Variants in CCDC149 observed in about 807,000 individuals in gnomAD.
The protein encoded by CCDC149 is coiled-coil domain-containing protein 149.
A neutral mutation model predicts 59.9 loss-of-function variants in CCDC149; 45 were observed. The observed-to-expected ratio is 0.75, with a 90% confidence interval of 0.59 to 0.96. The LOEUF (loss-of-function observed/expected upper bound fraction) is 0.96. Ranked by LOEUF, CCDC149 falls within the 40% of genes least tolerant of loss-of-function variation. The pLI, the probability that CCDC149 is intolerant of heterozygous loss-of-function variation, is 0.00. For synonymous variants in CCDC149, 245 were observed against 260.6 expected, an observed-to-expected ratio of 0.94 and a Z score of 0.58; for missense variants, 584 against 664.7, an observed-to-expected ratio of 0.88 and a Z score of 1.33.
At chr4:24,892,254 A>G (rs1577458027) in intron 1 of CCDC149, among the ~76,000 whole-genome samples, 1 of 152,176 alleles carries the variant, frequency 6.6e-6, no homozygotes, top group East Asian at 1.9e-4. Flanking sequence ...AAGGAAATCC[A>G]TTGCTTGCTG....
chr4:24,970,311 C>T (rs896301633), intron 1 of CCDC149, among the ~76,000 whole-genome samples: 4 of 152,226 alleles, frequency 2.6e-5, no homozygotes, highest in Non-Finnish European at 5.9e-5. Flanking sequence ...TCGGCACATA[C>T]ATTCAGCATC....
intron 4 of CCDC149, among the ~76,000 whole-genome samples, chr4:24,850,159 T>C (rs1293317894): frequency 2.6e-5 from 4 of 152,236 alleles, no homozygotes; most frequent in Non-Finnish European, 5.9e-5. Context: ...TACTCTTCCT[T>C]GAATCATTTT....
intron 9 of CCDC149, chr4:24,829,484 G>C (rs997071750): frequency 6.6e-6 from 1 of 152,138 alleles, no homozygotes; most frequent in Non-Finnish European, 1.5e-5. Flanking sequence ...AAAAGGAAAT[G>C]AGACAGTGGA....
chr4:24,820,003 T>C (rs1383629063), intron 11 of CCDC149, 28 bp from the exon 12 acceptor site: 2 of 1,496,024 alleles, frequency 1.3e-6, no homozygotes, highest in African/African-American at 2.8e-5. Flanking sequence ...AAAATGGATG[T>C]CTTATATCAT....
At chr4:24,885,046 A>T (rs566829269) in intron 1 of CCDC149, among the ~76,000 whole-genome samples, 2 of 152,284 alleles carry the variant, frequency 1.3e-5, no homozygotes, top group Non-Finnish European at 2.9e-5. Context: ...GAGAGGCCAG[A>T]AGATGTGTGT....
chr4:24,887,305 G>A (rs556594087), intron 1 of CCDC149, among the ~76,000 whole-genome samples: 2,927 of 151,566 alleles, frequency 0.019, 109 homozygotes, highest in African/African-American at 0.067. Flanking sequence ...GGGATGGGGT[G>A]CAGTCACTTC....
At chr4:24,899,260 T>A (rs1008411369) in intron 1 of CCDC149, among the ~76,000 whole-genome samples, 3 of 150,996 alleles carry the variant, frequency 2.0e-5, no homozygotes, top group East Asian at 1.9e-4. Context: ...GGTTGGGAGG[T>A]GTAAGTTGGG....
chr4:24,890,239 G>T (rs925808306), intron 1 of CCDC149, among the ~76,000 whole-genome samples: 2 of 152,114 alleles, frequency 1.3e-5, no homozygotes, highest in African/African-American at 4.8e-5. Context: ...AGCCTACTCA[G>T]TCCTAACAGA....
At chr4:24,850,558 C>T (rs1717596469) in intron 4 of CCDC149, among the ~76,000 whole-genome samples, 1 of 152,124 alleles carries the variant, frequency 6.6e-6, no homozygotes, top group Non-Finnish European at 1.5e-5. Context: ...GAAATTAGTG[C>T]TCCAGGGCTC....
intron 1 of CCDC149, among the ~76,000 whole-genome samples, chr4:24,936,050 A>C (rs771138787): frequency 1.3e-5 from 2 of 152,180 alleles, no homozygotes; most frequent in Admixed American, 6.5e-5. Context: ...CAAGCTGCTG[A>C]TATTAGTCAA....
At chr4:24,888,060 T>A (rs1398419963) in intron 1 of CCDC149, among the ~76,000 whole-genome samples, 2 of 152,148 alleles carry the variant, frequency 1.3e-5, no homozygotes, top group Non-Finnish European at 2.9e-5. Flanking sequence ...GAGAGCCACG[T>A]GGCACTGTGG....
intron 12 of CCDC149, among the ~76,000 whole-genome samples, chr4:24,813,393 C>T (rs938014514): frequency 3.3e-5 from 5 of 151,138 alleles, no homozygotes; most frequent in African/African-American, 1.2e-4. Flanking sequence ...CTTGCATCTG[C>T]CCACTCTTCT....
At chr4:24,891,997 T>A (rs145959331) in intron 1 of CCDC149, among the ~76,000 whole-genome samples, 256 of 151,750 alleles carry the variant, frequency 1.7e-3, no homozygotes, top group African/African-American at 5.7e-3. Context: ...AGACCCTGTC[T>A]CAAAAAAGAA....
chr4:24,832,665 TG>T (rs1234834141), intron 8 of CCDC149, among the ~76,000 whole-genome samples: 1 of 152,214 alleles, frequency 6.6e-6, no homozygotes, highest in Non-Finnish European at 1.5e-5. Flanking sequence ...ATTCCTAATT[TG>T]TCTGCATGTC....
intron 1 of CCDC149, among the ~76,000 whole-genome samples, chr4:24,944,701 G>A (rs958403659): frequency 1.3e-5 from 2 of 152,134 alleles, no homozygotes; most frequent in African/African-American, 4.8e-5. Context: ...CATGGCACAT[G>A]TATACGTATG....
intron 3 of CCDC149, among the ~76,000 whole-genome samples, chr4:24,859,407 T>C (rs1226259119): frequency 6.6e-6 from 1 of 152,128 alleles, no homozygotes; most frequent in Non-Finnish European, 1.5e-5. Flanking sequence ...CCCTTTATGA[T>C]TAAAACCCTC....
intron 4 of CCDC149, among the ~76,000 whole-genome samples, chr4:24,850,190 TATTCATTCATTTC>T (rs1717568385): frequency 6.6e-6 from 1 of 152,270 alleles, no homozygotes; most frequent in African/African-American, 2.4e-5. Context: ...TTGTTCCCTT[TATTCATTCATTTC>T]ATTCATTCAT....
At chr4:24,980,189 G>A (rs1724415612), upstream of CCDC149, 8 of 152,168 alleles carry the variant, frequency 5.3e-5, no homozygotes, top group South Asian at 1.7e-3. Flanking sequence ...CGCAATCGCG[G>A]ATTCACCAGC....
intron 4 of CCDC149, among the ~76,000 whole-genome samples, chr4:24,851,241 TCACA>T (rs1717634778): frequency 6.6e-6 from 1 of 152,134 alleles, no homozygotes; most frequent in African/African-American, 2.4e-5. Context: ...ACTAACACAC[TCACA>T]CACATGCCCT....
Sources: gnomAD v4.1 joint callset for allele counts (sites outside exome capture counted in the v4.1 genomes callset) on GRCh38, gnomAD v4.1.1 for gene constraint, MANE v1.5 for transcripts, NCBI Gene and HGNC (gene_info 2026-07-23, HGNC 2026-07-21) for gene names.